The following CARMIL2 variants were observed in gnomAD, a reference collection of about 807,000 sequenced individuals.
The protein encoded by CARMIL2 is capping protein, Arp2/3 and myosin-I linker protein 2.
CARMIL2 carries 96 observed loss-of-function variants against 173.3 expected under a neutral mutation model. The observed-to-expected ratio is 0.55, with a 90% CI of 0.47 to 0.66. The LOEUF is 0.66. Among genes scored for constraint, CARMIL2 ranks in the 30% least tolerant of loss-of-function variants. The pLI, the probability that CARMIL2 is intolerant of heterozygous loss-of-function variation, is 0.00. For missense variants in CARMIL2, 1,771 were observed against 1,906.7 expected (o/e 0.93, Z 1.33); for synonymous variants, 830 against 817.1 (o/e 1.02, Z -0.27).
At position 67,656,454 on chromosome 16, in the gene CARMIL2, A is replaced by G. The variant is rs760694708; in HGVS notation, c.3845A>G (p.Gln1282Arg). 1.2e-5 allele frequency: 19 copies of G among 1,610,588 alleles called. No individual in the cohort carries two copies. The highest frequency in any genetic ancestry group is 9.4e-5 in the African/African-American group (7 of 74,842). ...TCCTGCAGACCTGGCCCAGGGAGCC[A>G]GGGGCCTGAGTCTGCCACCTGGAAG... ...DPSCRPGPGS[Q>R]GPESATWKTL... Residue 1282 changes from glutamine (Q) to arginine (R), a missense_variant, in exon 35 of 38, where the codon CAG (glutamine) becomes CGG (arginine). By Grantham distance (43) the Gln-to-Arg change is conservative. Around this residue, in one of 3 missense-constraint regions of CARMIL2, gnomAD observed 817 missense variants for 903.5 expected, o/e 0.90. Transcript: ENST00000334583.
In CARMIL2 at chr16:67,646,017, G is replaced by A; in HGVS notation, c.187-1G>A. 6.2e-7 allele frequency: 1 copy of A among 1,613,778 alleles called. No individual in the cohort carries two copies. Among genetic ancestry groups the A allele is most frequent in the South Asian group, 1.1e-5 (1 of 91,088 alleles). ...TCCCAGCTGATCTAGGCCCTTTCTAGGTGGACTGCACGTTCAGCTACCTGG... is the reference window on the plus strand; with the variant it reads ...TCCCAGCTGATCTAGGCCCTTTCTAAGTGGACTGCACGTTCAGCTACCTGG... On this transcript the variant is annotated splice_acceptor_variant, in intron 3 of 37. Transcript: ENST00000334583. LOFTEE classifies it high-confidence loss of function. The surrounding 1 kb of genome is among the most constrained non-coding windows in gnomAD (Gnocchi z 4.6).
chr16:67,649,124 G>C lies in CARMIL2; in HGVS notation c.1640G>C (p.Arg547Pro), dbSNP rs373955056. 3 of 1,613,396 alleles carry C rather than the reference G, an allele frequency of 1.9e-6. No homozygotes were observed. Among genetic ancestry groups the C allele is most frequent in the African/African-American group, 2.7e-5 (2 of 74,902 alleles). ...CTGGTGCTGGCCATCGGGAGAAGCCGGTCCCTGAGACATGTGGCGCTTGGA... is the reference window on the plus strand; with the variant it reads ...CTGGTGCTGGCCATCGGGAGAAGCCCGTCCCTGAGACATGTGGCGCTTGGA... ...VTLVLAIGRS[R>P]SLRHVALGRN... The change falls in exon 18 of 38, where the codon CGG becomes CCG. Residue 547 changes from arginine (R) to proline (P), a missense_variant. Physicochemically the swap from Arg to Pro is moderately radical, Grantham distance 103 (BLOSUM62 -2). This residue lies in a region of CARMIL2 where 944 missense variants were observed against 975.6 expected (regional missense o/e 0.97). Coordinates refer to ENST00000334583, the MANE Select transcript of CARMIL2 (RefSeq NM_001013838.3). This position sits in a 1 kb window ranked among gnomAD's most constrained non-coding sequence, Gnocchi z 6.7.
Position 67,656,446 on chromosome 16 carries a change from A to G in CARMIL2, c.3837A>G (p.Pro1279=). 1 of 1,609,980 alleles carries G rather than the reference A, an allele frequency of 6.2e-7. No homozygotes were observed. The highest frequency in any genetic ancestry group is 1.1e-5 in the South Asian group (1 of 90,754). ...CAGACCCTTCCTGCAGACCTGGCCC[A>G]GGGAGCCAGGGGCCTGAGTCTGCCA... is the stretch of plus-strand genomic sequence containing the variant. ...VSADPSCRPG[P]GSQGPESATW... The change falls in exon 35 of 38, where the codon CCA becomes CCG. Residue 1279 remains proline (P), a synonymous_variant. Coordinates refer to ENST00000334583, the MANE Select transcript of CARMIL2 (RefSeq NM_001013838.3).
At position 67,649,185 on chromosome 16, in the gene CARMIL2, C is replaced by T; in HGVS notation, c.1688+13C>T. 1.2e-6 allele frequency: 2 copies of T among 1,613,150 alleles called. No individual in the cohort carries two copies. The highest frequency in any genetic ancestry group is 1.7e-6 in the Non-Finnish European group (2 of 1,179,562). On this transcript the variant is annotated intron_variant, in intron 18 of 37. Coordinates refer to ENST00000334583, the MANE Select transcript of CARMIL2 (RefSeq NM_001013838.3). The surrounding 1 kb of genome is among the most constrained non-coding windows in gnomAD (Gnocchi z 6.7). Reference sequence around the variant, plus strand: ...ACGTCCGGTGCAAGTGAGCCCCCACCCTACTCCTGGGCCTCCCAGACAACA... The same window carrying T: ...ACGTCCGGTGCAAGTGAGCCCCCACTCTACTCCTGGGCCTCCCAGACAACA...
At chr16:67,650,362 G>A in intron 22 of CARMIL2, 1 of 585,318 alleles carries the variant, frequency 1.7e-6, no homozygotes, top group East Asian at 2.8e-5. Flanking sequence ...CGTTAAGCCT[G>A]TAAACAGGCT....
At chr16:67,655,046 C>T in intron 32 of CARMIL2, 146 bp downstream of exon 32, 1 of 1,168,886 alleles carries the variant, frequency 8.6e-7, no homozygotes, top group Non-Finnish European at 1.2e-6. Context: ...CAGATTCGAC[C>T]TTTCTTCCCT....
Position 67,649,690 on chromosome 16 carries a change from G to A in CARMIL2, c.1919+71G>A. On this transcript the variant is annotated intron_variant, in intron 20 of 37. Coordinates refer to ENST00000334583, the MANE Select transcript of CARMIL2 (RefSeq NM_001013838.3). The surrounding 1 kb of genome is among the most constrained non-coding windows in gnomAD (Gnocchi z 6.7). The stretch of plus-strand genomic sequence containing the variant: ...GGAGAGGAGGGCACCGGGCTAAGGG[G>A]AGGGACTGAATGAGGCGGAGCAAAT... The A allele has an allele frequency of 1.3e-6, 2 of 1,560,964 alleles. No homozygotes were observed. Among genetic ancestry groups the A allele is most frequent in the South Asian group, 1.2e-5 (1 of 84,404 alleles).
chr16:67,646,211 G>A lies in CARMIL2; in HGVS notation c.275G>A (p.Arg92His), dbSNP rs779466818. The A allele has an allele frequency of 9.9e-6, 16 of 1,613,712 alleles. No homozygotes were observed. In the Admixed American group the frequency reaches 1.2e-4, roughly 12 times the overall value. The change falls in exon 5 of 38, where the codon CGT (arginine) becomes CAT (histidine). Residue 92 changes from arginine to histidine, a missense_variant. This residue lies in a region of CARMIL2 where 944 missense variants were observed against 975.6 expected (regional missense o/e 0.97). Coordinates refer to ENST00000334583, the MANE Select transcript of CARMIL2 (RefSeq NM_001013838.3). The surrounding 1 kb of genome is among the most constrained non-coding windows in gnomAD (Gnocchi z 4.6). ...GTCACCTTTGAGCTGGAGTCCCTGCGTGAGCTGGTCCTGGAGTTTCCTGGT... is the reference window on the plus strand; with the variant it reads ...GTCACCTTTGAGCTGGAGTCCCTGCATGAGCTGGTCCTGGAGTTTCCTGGT... Reference protein sequence around the residue: ...PQVTFELESLRELVLEFPGVA... With the variant: ...PQVTFELESLHELVLEFPGVA...
rs1253405376 is a variant in CARMIL2, at chr16:67,646,098, C to G, written c.249+18C>G. 6.2e-7 allele frequency: 1 copy of G among 1,613,682 alleles called. No homozygotes were observed. The highest frequency in any genetic ancestry group is 8.5e-7 in the Non-Finnish European group (1 of 1,179,884). Reference sequence around the variant, plus strand: ...CCCCTCAGGTGAGACACCTAGTACCCTACCTGGGCCTGCAGCCTGGTCTTC... The same window carrying G: ...CCCCTCAGGTGAGACACCTAGTACCGTACCTGGGCCTGCAGCCTGGTCTTC... On this transcript the variant is annotated intron_variant, in intron 4 of 37. Coordinates refer to ENST00000334583, the MANE Select transcript of CARMIL2 (RefSeq NM_001013838.3). The surrounding 1 kb of genome is among the most constrained non-coding windows in gnomAD (Gnocchi z 4.6).
In CARMIL2 at chr16:67,648,227, TC is replaced by T. The variant is rs764374356; in HGVS notation, c.1253del (p.Pro418ArgfsTer94). The part of the protein sequence containing the change: ...LGPPAGVANS[L>X]PPQLFAAVSR... ...CCCCCCGCGGGTGTAGCCAACAGCC[TC>T]CCCCCGCAGCTCTTCGCAGCGGTAT... On this transcript the variant is annotated frameshift_variant, in exon 14 of 38. Coordinates refer to ENST00000334583, the MANE Select transcript of CARMIL2 (RefSeq NM_001013838.3). LOFTEE classifies it high-confidence loss of function. This position sits in a 1 kb window ranked among gnomAD's most constrained non-coding sequence, Gnocchi z 6.1. The T allele has an allele frequency of 3.1e-6, 5 of 1,599,254 alleles. No individual in the cohort carries two copies. Among genetic ancestry groups the T allele is most frequent in the Non-Finnish European group, 3.4e-6 (4 of 1,174,898 alleles).
Position 67,654,510 on chromosome 16 carries a change from G to C in CARMIL2, c.3400G>C (p.Asp1134His), listed in dbSNP as rs748430437. The stretch of plus-strand genomic sequence containing the variant: ...CCGAACCCGAAAAACTACATTTGGC[G>C]ACCTACTGCGGCCGCCAACCCGTCC... ...APRTRKTTFG[D>H]LLRPPTRPSR... The change falls in exon 31 of 38, where the codon GAC becomes CAC. Residue 1134 changes from aspartate (D) to histidine (H), a missense_variant. Physicochemically the swap from Asp to His is moderately conservative, Grantham distance 81. Coordinates refer to ENST00000334583, the MANE Select transcript of CARMIL2 (RefSeq NM_001013838.3). 1 of 1,611,920 alleles carries C rather than the reference G, an allele frequency of 6.2e-7. No homozygotes were observed. The highest frequency in any genetic ancestry group is 2.2e-5 in the East Asian group (1 of 44,868).
chr16:67,654,948 T>C (rs1278702205), intron 32 of CARMIL2, 48 bp downstream of exon 32: 2 of 1,607,224 alleles, frequency 1.2e-6, no homozygotes, highest in East Asian at 4.5e-5. Context: ...GATGGCATGC[T>C]GTGGGTGACA....
chr16:67,651,610 T>C lies in CARMIL2; in HGVS notation c.2428-75T>C, dbSNP rs1374966490. 4 of 1,571,762 alleles carry C rather than the reference T, an allele frequency of 2.5e-6. No individual in the cohort carries two copies. Among genetic ancestry groups the C allele is most frequent in the Middle Eastern group, 1.7e-4 (1 of 6,006 alleles). On this transcript the variant is annotated intron_variant, in intron 24 of 37. Coordinates refer to ENST00000334583, the MANE Select transcript of CARMIL2 (RefSeq NM_001013838.3). This position sits in a 1 kb window ranked among gnomAD's most constrained non-coding sequence, Gnocchi z 4.2. ...TGATATCCCCTGACTCAATATTCTG[T>C]TGGAGTTGGAGCCTCAAGCCAGCAG...
In CARMIL2 at chr16:67,646,119, T is replaced by G. The variant is rs759471013; in HGVS notation, c.249+39T>G. On this transcript the variant is annotated intron_variant, in intron 4 of 37. Coordinates refer to ENST00000334583, the MANE Select transcript of CARMIL2 (RefSeq NM_001013838.3). This position sits in a 1 kb window ranked among gnomAD's most constrained non-coding sequence, Gnocchi z 4.6. Reference sequence around the variant, plus strand: ...TACCCTACCTGGGCCTGCAGCCTGGTCTTCATGCTACCACCATCACCTGCG... The same window carrying G: ...TACCCTACCTGGGCCTGCAGCCTGGGCTTCATGCTACCACCATCACCTGCG... 6.2e-7 allele frequency: 1 copy of G among 1,613,752 alleles called. No homozygotes were observed. The highest frequency in any genetic ancestry group is 8.5e-7 in the Non-Finnish European group (1 of 1,179,848).
intron 3 of CARMIL2, 105 bp from the exon 4 acceptor site, chr16:67,645,913 G>A (rs1442521574): frequency 6.4e-7 from 1 of 1,561,552 alleles, no homozygotes; most frequent in Non-Finnish European, 8.8e-7. Flanking sequence ...GCCGACAGGA[G>A]GGGAGTCCAG....
rs982479589 is a variant in CARMIL2 at position 67,656,242 on chromosome 16, A to G, written c.3757A>G (p.Ser1253Gly). Residue 1253 changes from serine (S) to glycine (G), a missense_variant, in exon 34 of 38, where the codon AGT (serine) becomes GGT (glycine). This residue lies in a region of CARMIL2 where 817 missense variants were observed against 903.5 expected (regional missense o/e 0.90). Transcript: ENST00000334583. ...KAGSDGDIMDSSTEAPPISIK... is the reference protein window; with the variant it reads ...KAGSDGDIMDGSTEAPPISIK... ...CCGCCTTGCAGGTGACATTATGGACAGTTCCACGGAGGCCCCTCCCATCTC... is the reference window on the plus strand; with the variant it reads ...CCGCCTTGCAGGTGACATTATGGACGGTTCCACGGAGGCCCCTCCCATCTC... 16 of 1,613,914 alleles carry G rather than the reference A, an allele frequency of 9.9e-6. No individual in the cohort carries two copies. The highest frequency in any genetic ancestry group is 2.7e-5 in the African/African-American group (2 of 74,944).
rs963838425 is a variant in CARMIL2 at position 67,652,686 on chromosome 16, C to T, written c.2884+148C>T. The T allele has an allele frequency of 3.8e-6, 3 of 780,398 alleles. No individual in the cohort carries two copies. The East Asian group carries it at 8.1e-5, about 21-fold the overall frequency. 48.3% of individuals were successfully genotyped at this position (780,398 alleles called of 1,614,324 possible). ...GGCCAGGTCGGGCCCCTTGTGCAAC[C>T]TGCAAAGCTGGGGTCTGCTGTGGTC... On this transcript the variant is annotated intron_variant, in intron 28 of 37. Coordinates refer to ENST00000334583, the MANE Select transcript of CARMIL2 (RefSeq NM_001013838.3). The surrounding 1 kb of genome is among the most constrained non-coding windows in gnomAD (Gnocchi z 4.7).
In CARMIL2 at chr16:67,649,789, A is replaced by C. The variant is rs2052684131; in HGVS notation, c.1920-17A>C. 6.2e-7 allele frequency: 1 copy of C among 1,605,788 alleles called. No individual in the cohort carries two copies. The highest frequency in any genetic ancestry group is 8.5e-7 in the Non-Finnish European group (1 of 1,175,256). On this transcript the variant is annotated splice_polypyrimidine_tract_variant and intron_variant, in intron 20 of 37. Coordinates refer to ENST00000334583, the MANE Select transcript of CARMIL2 (RefSeq NM_001013838.3). This position sits in a 1 kb window ranked among gnomAD's most constrained non-coding sequence, Gnocchi z 6.7. ...GTTGGGAAGCTCCGTCCCCGACTGA[A>C]GCCAGGCCCGGCCCAGGTCTGTGGT...
At position 67,648,044 on chromosome 16, in the gene CARMIL2, C is replaced by T. The variant is rs935227094; in HGVS notation, c.1072-8C>T. ...CCCCACTCCATCGCACCCCTGTCCT[C>T]CCTCCAGGGCCTCTATAGCTTCCTG... is the stretch of plus-strand genomic sequence containing the variant. On this transcript the variant is annotated splice_polypyrimidine_tract_variant and splice_region_variant and intron_variant, in intron 13 of 37. Transcript: ENST00000334583. The surrounding 1 kb of genome is among the most constrained non-coding windows in gnomAD (Gnocchi z 6.1). 1 of 1,611,050 alleles carries T rather than the reference C, an allele frequency of 6.2e-7. No individual in the cohort carries two copies. The highest frequency in any genetic ancestry group is 8.5e-7 in the Non-Finnish European group (1 of 1,178,788).
Sources: allele counts gnomAD v4.1 joint callset, GRCh38; gene constraint gnomAD v4.1.1; regional missense constraint gnomAD v4.1.1; non-coding constraint Gnocchi (gnomAD v3.1); transcripts MANE v1.5; gene names NCBI Gene and HGNC (gene_info 2026-07-23, HGNC 2026-07-21).